Variants in LOC400499 observed in about 807,000 individuals in gnomAD.
At chr16:11,423,966 C>T in the LOC400499 span, 90 of 397,876 alleles carry the variant, frequency 2.3e-4, no homozygotes, top group African/African-American at 1.6e-3. Context: ...TCCAGGGCTG[C>T]GCGGAGCTGC....
the LOC400499 span, among the ~76,000 whole-genome samples, chr16:11,443,090 G>C: frequency 1.3e-5 from 2 of 152,024 alleles, no homozygotes; most frequent in Non-Finnish European, 2.9e-5. Context: ...TTGGGAGGCT[G>C]AGGCCGGGGG....
the LOC400499 span, among the ~76,000 whole-genome samples, chr16:11,512,394 G>A: frequency 6.6e-6 from 1 of 152,168 alleles, no homozygotes; most frequent in Admixed American, 6.5e-5. Flanking sequence ...CCTGAGGTCA[G>A]GAGTTTGAGA....
the LOC400499 span, among the ~76,000 whole-genome samples, chr16:11,450,300 T>C: frequency 6.6e-6 from 1 of 152,266 alleles, no homozygotes; most frequent in Non-Finnish European, 1.5e-5. Flanking sequence ...TTCACTCTGT[T>C]TTTTTGGCAA....
chr16:11,503,498 C>G, the LOC400499 span, among the ~76,000 whole-genome samples: 1 of 152,190 alleles, frequency 6.6e-6, no homozygotes, highest in African/African-American at 2.4e-5. Context: ...AGGGAAGCCC[C>G]CATACTTTCC....
At chr16:11,477,634 G>C in the LOC400499 span, among the ~76,000 whole-genome samples, 1 of 152,236 alleles carries the variant, frequency 6.6e-6, no homozygotes, top group African/African-American at 2.4e-5. Flanking sequence ...ACCTCTCTGA[G>C]CCTCATTCTT....
the LOC400499 span, among the ~76,000 whole-genome samples, chr16:11,404,450 G>A: frequency 1.3e-5 from 2 of 152,068 alleles, no homozygotes; most frequent in African/African-American, 4.8e-5. Flanking sequence ...AGGTTCAAGC[G>A]ATTCTCCTGC....
At chr16:11,443,904 G>A in the LOC400499 span, among the ~76,000 whole-genome samples, 183 of 151,632 alleles carry the variant, frequency 1.2e-3, no homozygotes, top group Non-Finnish European at 1.8e-3. Flanking sequence ...CTGGGATCTC[G>A]GCTCACCGTA....
chr16:11,410,134 AC>A, the LOC400499 span, among the ~76,000 whole-genome samples: 8,836 of 152,198 alleles, frequency 0.058, 285 homozygotes, highest in Middle Eastern at 0.15. Context: ...ACAGAGCAAG[AC>A]CCTGTCTCAA....
chr16:11,486,884 G>T, the LOC400499 span, among the ~76,000 whole-genome samples: 1 of 103,478 alleles, frequency 9.7e-6, no homozygotes, highest in East Asian at 4.0e-4. Flanking sequence ...GGGTGGGGGG[G>T]TGGGGGGCTG....
chr16:11,430,667 T>C, the LOC400499 span, among the ~76,000 whole-genome samples: 1 of 152,208 alleles, frequency 6.6e-6, no homozygotes, highest in African/African-American at 2.4e-5. Flanking sequence ...TTCTTTGCAT[T>C]GTTCTTGCAA....
the LOC400499 span, chr16:11,399,318 G>C: frequency 1.2e-6 from 1 of 863,952 alleles, no homozygotes; most frequent in Non-Finnish European, 1.4e-6. Context: ...CCATTTCACA[G>C]ATGAGAACAC....
the LOC400499 span, among the ~76,000 whole-genome samples, chr16:11,376,909 A>C: frequency 7.6e-5 from 10 of 132,366 alleles, no homozygotes; most frequent in Non-Finnish European, 8.4e-5. Context: ...GTTTATTCCT[A>C]TTTTATTCTT....
At chr16:11,419,731 C>A in the LOC400499 span, among the ~76,000 whole-genome samples, 27 of 152,118 alleles carry the variant, frequency 1.8e-4, no homozygotes, top group African/African-American at 5.6e-4. Flanking sequence ...CCAGAATCTA[C>A]AATGAACTCA....
the LOC400499 span, among the ~76,000 whole-genome samples, chr16:11,406,220 T>C: frequency 6.6e-6 from 1 of 152,200 alleles, no homozygotes; most frequent in Non-Finnish European, 1.5e-5. Flanking sequence ...CATCTTTATG[T>C]CCATGTGTAT....
At chr16:11,448,075 T>C in the LOC400499 span, 1 of 1,533,800 alleles carries the variant, frequency 6.5e-7, no homozygotes, top group Non-Finnish European at 8.7e-7. Context: ...CTTCCGGGGC[T>C]GCAACAAGAT....
the LOC400499 span, among the ~76,000 whole-genome samples, chr16:11,473,613 G>C: frequency 6.6e-6 from 1 of 152,066 alleles, no homozygotes; most frequent in Non-Finnish European, 1.5e-5. Context: ...AAATTAGCCG[G>C]GCTTGGTGGC....
the LOC400499 span, among the ~76,000 whole-genome samples, chr16:11,433,996 G>T: frequency 6.6e-6 from 1 of 152,180 alleles, no homozygotes; most frequent in African/African-American, 2.4e-5. Flanking sequence ...GGAGGTTATG[G>T]GGACCTCCAA....
At chr16:11,450,531 C>T in the LOC400499 span, 10 of 1,425,488 alleles carry the variant, frequency 7.0e-6, no homozygotes, top group Non-Finnish European at 9.5e-6. Flanking sequence ...CAGACCTCAG[C>T]TTTCATCCGC....
At chr16:11,454,477 G>T in the LOC400499 span, among the ~76,000 whole-genome samples, 3 of 152,138 alleles carry the variant, frequency 2.0e-5, no homozygotes, top group African/African-American at 7.2e-5. Context: ...AGAAAAATCT[G>T]GACACAGACA....
Sources: allele counts gnomAD v4.1 joint callset (sites outside exome capture counted in the v4.1 genomes callset), GRCh38; gene constraint gnomAD v4.1.1; transcripts MANE v1.5.